GLIS3: variants seen among roughly 807,000 people sequenced by gnomAD.
GLIS3 encodes GLIS family zinc finger 3.
A neutral mutation model predicts 78.6 loss-of-function variants in GLIS3; 53 were observed. The observed-to-expected ratio is 0.67, with a 90% CI of 0.54 to 0.85. The LOEUF is 0.85. GLIS3 is among the 40% of genes least tolerant of loss of function. The pLI is 0.00. For missense variants in GLIS3, 1,703 were observed against 1,231.1 expected (o/e 1.38, Z -5.74); for synonymous variants, 684 against 509.9 (o/e 1.34, Z -4.60).
intron 9 of GLIS3, among the ~76,000 whole-genome samples, chr9:3,836,672 A>C (rs376526886): frequency 2.0e-5 from 3 of 152,198 alleles, no homozygotes; most frequent in South Asian, 2.1e-4. Context: ...CCCCTAGGGC[A>C]ACTCGCTCCT....
At chr9:4,207,946 A>C (rs75086590) in intron 2 of GLIS3, among the ~76,000 whole-genome samples, 3 of 152,318 alleles carry the variant, frequency 2.0e-5, no homozygotes, top group African/African-American at 4.8e-5. Context: ...CAAAAATGCT[A>C]TATGTCCCTG....
At chr9:4,417,600 G>T in the GLIS3 span, among the ~76,000 whole-genome samples, 1 of 152,058 alleles carries the variant, frequency 6.6e-6, no homozygotes, top group Non-Finnish European at 1.5e-5. Flanking sequence ...CATGCAATTT[G>T]GGGCCCTTGT....
chr9:4,143,674 T>G (rs2755084), intron 2 of GLIS3, among the ~76,000 whole-genome samples: 96,797 of 152,090 alleles, frequency 0.64, 31,179 homozygotes, highest in South Asian at 0.73. Context: ...TCTCCAGAAC[T>G]TATTCGTCTT....
chr9:3,974,434 C>T (rs919504718), intron 4 of GLIS3, among the ~76,000 whole-genome samples: 1 of 152,118 alleles, frequency 6.6e-6, no homozygotes, highest in Admixed American at 6.6e-5. Context: ...GTAGTAAGTT[C>T]CATAAAGAAA....
intron 3 of GLIS3, among the ~76,000 whole-genome samples, chr9:4,124,886 TTG>T (rs1832456822): frequency 6.6e-6 from 1 of 152,214 alleles, no homozygotes; most frequent in Non-Finnish European, 1.5e-5. Context: ...AAACTGTGGA[TTG>T]TGTTTTTCCA....
rs75567647 is a variant in GLIS3 at position 4,089,903 on chromosome 9, G to A, written c.1710+27865C>T. On this transcript the variant is annotated intron_variant, in intron 4 of 10. Coordinates refer to ENST00000381971, the MANE Select transcript of GLIS3 (RefSeq NM_001042413.2). ...GACAAAGGGAAAAATCCACATTTCC[G>A]GGTGATCATAAAGAGGAGTATTTAT... 5.7e-3 allele frequency among the ~76,000 whole-genome samples: 875 copies of A among 152,280 alleles called. 12 individuals are homozygous for A. Among genetic ancestry groups the A allele is most frequent in the East Asian group, 0.052 (269 of 5,184 alleles).
chr9:4,312,136 T>G (rs1428811347), intron 2 of GLIS3, among the ~76,000 whole-genome samples: 2 of 151,818 alleles, frequency 1.3e-5, no homozygotes, highest in African/African-American at 4.9e-5. Flanking sequence ...GAACCTAAAA[T>G]AAAAGTTTTT....
At chr9:3,875,258 G>C (rs1276302934) in intron 8 of GLIS3, among the ~76,000 whole-genome samples, 1 of 152,198 alleles carries the variant, frequency 6.6e-6, no homozygotes, top group African/African-American at 2.4e-5. Context: ...GTAGTGTGCT[G>C]CTTAAATCAC....
the GLIS3 span, among the ~76,000 whole-genome samples, chr9:4,433,296 G>C: frequency 6.6e-6 from 1 of 152,148 alleles, no homozygotes; most frequent in Admixed American, 6.5e-5. Flanking sequence ...GCTGGGCATA[G>C]TGGTACACAC....
the GLIS3 span, among the ~76,000 whole-genome samples, chr9:4,416,081 G>A: frequency 6.6e-6 from 1 of 150,904 alleles, no homozygotes; most frequent in Admixed American, 6.6e-5. Flanking sequence ...TCTAATGACT[G>A]CACTAACTAA....
chr9:3,946,228 T>G (rs545167990), intron 4 of GLIS3, among the ~76,000 whole-genome samples: 1 of 152,378 alleles, frequency 6.6e-6, no homozygotes, highest in East Asian at 1.9e-4. Flanking sequence ...GCTGTGAGCT[T>G]TATAAGAACA....
At chr9:4,096,232 C>A (rs1312461495) in intron 4 of GLIS3, among the ~76,000 whole-genome samples, 1 of 152,034 alleles carries the variant, frequency 6.6e-6, no homozygotes, top group Non-Finnish European at 1.5e-5. Flanking sequence ...CTAAAATAAC[C>A]AGACGATGTG....
intron 4 of GLIS3, among the ~76,000 whole-genome samples, chr9:4,041,911 C>T (rs928486939): frequency 1.1e-4 from 17 of 152,074 alleles, no homozygotes; most frequent in African/African-American, 4.1e-4. Flanking sequence ...ACTCTTATGC[C>T]CAAACCTTGA....
the GLIS3 span, among the ~76,000 whole-genome samples, chr9:4,397,020 T>C: frequency 7.1e-6 from 1 of 140,122 alleles, no homozygotes; most frequent in African/African-American, 2.8e-5. Context: ...TTTTTTCTTT[T>C]TTTCTTTTTT....
At chr9:3,960,360 C>A (rs1013266500) in intron 4 of GLIS3, among the ~76,000 whole-genome samples, 1 of 152,200 alleles carries the variant, frequency 6.6e-6, no homozygotes, top group African/African-American at 2.4e-5. Flanking sequence ...TTAAGGCACC[C>A]AGTTTGTGGT....
intron 8 of GLIS3, among the ~76,000 whole-genome samples, chr9:3,856,549 G>A (rs1227882512): frequency 1.3e-5 from 2 of 152,262 alleles, no homozygotes; most frequent in African/African-American, 2.4e-5. Context: ...TTGCATTTAA[G>A]GGGAAATTTG....
At chr9:4,404,508 A>C in the GLIS3 span, among the ~76,000 whole-genome samples, 1 of 152,210 alleles carries the variant, frequency 6.6e-6, no homozygotes, top group African/African-American at 2.4e-5. Flanking sequence ...AATTAAAATA[A>C]TATCAAGCAT....
At chr9:4,069,524 A>G (rs943144224) in intron 4 of GLIS3, among the ~76,000 whole-genome samples, 2 of 152,216 alleles carry the variant, frequency 1.3e-5, no homozygotes, top group African/African-American at 4.8e-5. Context: ...ACTTTCACAG[A>G]TTCTTATTAT....
chr9:4,067,681 G>C (rs1827214175), intron 4 of GLIS3, among the ~76,000 whole-genome samples: 1 of 152,018 alleles, frequency 6.6e-6, no homozygotes, highest in Admixed American at 6.6e-5. Flanking sequence ...AGACAGTATA[G>C]AGATGAAAAA....
Sources: allele counts gnomAD v4.1 joint callset (sites outside exome capture counted in the v4.1 genomes callset), GRCh38; gene constraint gnomAD v4.1.1; transcripts MANE v1.5; gene names NCBI Gene and HGNC (gene_info 2026-07-23, HGNC 2026-07-21).